The following SLC12A2 variants were observed in gnomAD, a reference collection of about 807,000 sequenced individuals.
The protein encoded by SLC12A2 is solute carrier family 12 member 2, also known as Na-K-2Cl cotransporter 1.
SLC12A2 carries 67 observed loss-of-function variants against 136.3 expected under a neutral mutation model. The ratio of observed to expected loss-of-function variants is 0.49; its 90% confidence interval spans 0.40 to 0.60. SLC12A2 has a LOEUF of 0.60. SLC12A2 is among the 20% of genes least tolerant of loss of function. The pLI, the probability that SLC12A2 is intolerant of heterozygous loss-of-function variation, is 0.00. For missense variants in SLC12A2, 1,322 were observed against 1,534.7 expected (o/e 0.86, Z 2.32); for synonymous variants, 619 against 562.9 (o/e 1.10, Z -1.41).
At position 128,150,009 on chromosome 5, in the gene SLC12A2, T is replaced by C; in HGVS notation, c.2018T>C (p.Val673Ala). ...LGFILIAELN[V>A]IAPIISNFFL... ...GTTTGTTCTGCAGCTGAACTGAATG[T>C]TATTGCACCAATTATCTCAAACTTC... Residue 673 changes from valine (V) to alanine (A), a missense_variant, in exon 13 of 27, where the codon GTT (valine) becomes GCT (alanine). Val to Ala is a moderately conservative substitution (Grantham distance 64). This residue lies in a region of SLC12A2 where 294 missense variants were observed against 436.6 expected (regional missense o/e 0.67). Transcript: ENST00000262461. 6.2e-7 allele frequency: 1 copy of C among 1,609,386 alleles called. No homozygotes were observed. The highest frequency in any genetic ancestry group is 8.5e-7 in the Non-Finnish European group (1 of 1,177,124).
In SLC12A2 at chr5:128,134,196, A is replaced by G. The variant is rs1279673787; in HGVS notation, c.1220A>G (p.Asn407Ser). 1.9e-6 allele frequency: 3 copies of G among 1,599,942 alleles called. No homozygotes were observed. The highest frequency in any genetic ancestry group is 1.1e-5 in the South Asian group (1 of 90,574). The change falls in exon 6 of 27, where the codon AAT becomes AGT. Residue 407 changes from asparagine (N) to serine (S), a missense_variant. Coordinates refer to ENST00000262461, the MANE Select transcript of SLC12A2 (RefSeq NM_001046.3). Reference protein sequence around the residue: ...EHSILMIDEINDIRIIGAITV... With the variant: ...EHSILMIDEISDIRIIGAITV... The stretch of plus-strand genomic sequence containing the variant: ...TCCATACTTATGATAGATGAAATCA[A>G]TGATATCCGAATTATTGGAGCCATT...
At chr5:128,152,913 G>T in intron 15 of SLC12A2, 108 bp downstream of exon 15, 1 of 695,452 alleles carries the variant, frequency 1.4e-6, no homozygotes, top group Non-Finnish European at 2.5e-6. Context: ...ATCGGTCTTG[G>T]GCAGTTTAAT....
intron 6 of SLC12A2, among the ~76,000 whole-genome samples, chr5:128,134,808 C>T (rs1762134304): frequency 1.3e-5 from 2 of 152,050 alleles, no homozygotes; most frequent in Non-Finnish European, 2.9e-5. Context: ...AGCATCATAG[C>T]ACAGCTGTAG....
chr5:128,142,983 C>T (rs1013547221), intron 10 of SLC12A2, among the ~76,000 whole-genome samples: 4 of 151,970 alleles, frequency 2.6e-5, no homozygotes, highest in East Asian at 1.9e-4. Context: ...AAGCACCTTA[C>T]GTTTATTTTT....
In SLC12A2 at chr5:128,152,930, A is replaced by G; in HGVS notation, c.2363+125A>G. 3 of 628,474 alleles carry G rather than the reference A, an allele frequency of 4.8e-6. No individual in the cohort carries two copies. The South Asian group carries it at 6.0e-5, about 13-fold the overall frequency. 38.9% of individuals were successfully genotyped at this position (628,474 alleles called of 1,614,324 possible). On this transcript the variant is annotated intron_variant, in intron 15 of 26. Transcript: ENST00000262461. ...CGGTCTTGGGCAGTTTAATTATTCA[A>G]GAACAAAATTGTACAAAGAAAAATT...
chr5:128,123,438 TC>T (rs1235230457), intron 4 of SLC12A2, among the ~76,000 whole-genome samples: 2 of 152,180 alleles, frequency 1.3e-5, no homozygotes, highest in Admixed American at 1.3e-4. Flanking sequence ...ATTTTCACTT[TC>T]TATTCCAACC....
At chr5:128,174,834 G>T (rs1763491839) in intron 20 of SLC12A2, among the ~76,000 whole-genome samples, 168 bp downstream of exon 20, 2 of 151,982 alleles carry the variant, frequency 1.3e-5, no homozygotes, top group African/African-American at 4.8e-5. Context: ...GCTACAAAAT[G>T]ACTAGCTGTG....
chr5:128,147,870 A>G, intron 11 of SLC12A2, 141 bp downstream of exon 11: 1 of 446,850 alleles, frequency 2.2e-6, no homozygotes, highest in Non-Finnish European at 3.9e-6. Flanking sequence ...ACATAAAGAT[A>G]TACATAGTTA....
At chr5:128,099,632 C>G (rs563408900) in intron 1 of SLC12A2, among the ~76,000 whole-genome samples, 3 of 152,054 alleles carry the variant, frequency 2.0e-5, no homozygotes, top group Non-Finnish European at 4.4e-5. Flanking sequence ...TACAAGTGTA[C>G]AAGAGTATTT....
intron 7 of SLC12A2, among the ~76,000 whole-genome samples, chr5:128,137,076 C>G (rs931135676): frequency 4.6e-5 from 7 of 152,162 alleles, no homozygotes; most frequent in African/African-American, 1.7e-4. Context: ...ATGGGCCTCC[C>G]TGTTATCAGA....
intron 7 of SLC12A2, among the ~76,000 whole-genome samples, chr5:128,136,082 G>C (rs999744674): frequency 6.6e-6 from 1 of 152,128 alleles, no homozygotes; most frequent in African/African-American, 2.4e-5. Flanking sequence ...TTCTCTACTA[G>C]TTTTGGGAAT....
intron 4 of SLC12A2, among the ~76,000 whole-genome samples, chr5:128,116,005 T>C (rs2126674695): frequency 6.6e-6 from 1 of 152,244 alleles, no homozygotes; most frequent in African/African-American, 2.4e-5. Flanking sequence ...GGATATACAG[T>C]GTGGATATGT....
intron 4 of SLC12A2, among the ~76,000 whole-genome samples, chr5:128,130,514 CAAAAAAAAAAA>C (rs565322518): frequency 1.2e-5 from 1 of 81,480 alleles, no homozygotes; most frequent in African/African-American, 4.9e-5. Context: ...GACTCTGTCT[CAAAAAAAAAAA>C]AAAAAAAAAA....
At chr5:128,157,713 A>T (rs1452299892) in intron 15 of SLC12A2, among the ~76,000 whole-genome samples, 1 of 152,236 alleles carries the variant, frequency 6.6e-6, no homozygotes, top group Non-Finnish European at 1.5e-5. Flanking sequence ...TCTGTGAAAG[A>T]ATTATTAACA....
chr5:128,088,773 C>T (rs1017602663), intron 1 of SLC12A2, among the ~76,000 whole-genome samples: 1 of 152,134 alleles, frequency 6.6e-6, no homozygotes, highest in Non-Finnish European at 1.5e-5. Context: ...AAGGGAGCAA[C>T]TATATTGTCT....
chr5:128,143,359 A>G (rs1762431227), intron 10 of SLC12A2, among the ~76,000 whole-genome samples: 1 of 152,122 alleles, frequency 6.6e-6, no homozygotes, highest in Non-Finnish European at 1.5e-5. Flanking sequence ...GCATGAAATC[A>G]CCATTTAACA....
chr5:128,144,136 C>A (rs894926422), intron 10 of SLC12A2, among the ~76,000 whole-genome samples: 9 of 152,036 alleles, frequency 5.9e-5, no homozygotes, highest in African/African-American at 2.2e-4. Context: ...TTGGTCTTTG[C>A]CCAGTGACTG....
chr5:128,185,305 G>A (rs1194607713), intron 26 of SLC12A2, among the ~76,000 whole-genome samples: 1 of 152,020 alleles, frequency 6.6e-6, no homozygotes, highest in East Asian at 1.9e-4. Flanking sequence ...TTTCCAACAC[G>A]CAAATTTTAC....
rs1763912397 is a variant in SLC12A2, at chr5:128,187,752, T to A, written c.*1121T>A. On this transcript the variant is annotated 3_prime_UTR_variant, in exon 27 of 27. Coordinates refer to ENST00000262461, the MANE Select transcript of SLC12A2 (RefSeq NM_001046.3). ...AACAGATTATTCTGAATATTAAAAT[T>A]TAATCCATTCTTAATATTTTAAAAC... 1 of 152,604 alleles carries A rather than the reference T, an allele frequency of 6.6e-6. No individual in the cohort carries two copies. The highest frequency in any genetic ancestry group is 2.4e-5 in the African/African-American group (1 of 41,450). 9.5% of individuals were successfully genotyped at this position (152,604 alleles called of 1,614,324 possible). A position where few individuals can be genotyped will look rare whatever the true frequency, so the allele number is the denominator to read the frequency against.
Sources: allele counts gnomAD v4.1 joint callset (sites outside exome capture counted in the v4.1 genomes callset), GRCh38; gene constraint gnomAD v4.1.1; regional missense constraint gnomAD v4.1.1; transcripts MANE v1.5; gene names NCBI Gene and HGNC (gene_info 2026-07-23, HGNC 2026-07-21).